GRIN3A: variants seen among roughly 807,000 people sequenced by gnomAD.
The protein encoded by GRIN3A is glutamate receptor ionotropic, NMDA 3A.
A neutral mutation model predicts 92.4 loss-of-function variants in GRIN3A; 47 were observed. The ratio of observed to expected loss-of-function variants is 0.51; its 90% CI spans 0.40 to 0.65. GRIN3A has a LOEUF of 0.65. Ranked by LOEUF, GRIN3A falls within the 30% of genes least tolerant of loss-of-function variation. GRIN3A has a pLI of 0.00. For synonymous variants in GRIN3A, 527 were observed against 540.6 expected (o/e 0.97, Z 0.35); for missense variants, 1,324 against 1,393.1 (o/e 0.95, Z 0.79).
At position 101,572,930 on chromosome 9, in the gene GRIN3A, T is replaced by A; in HGVS notation, c.*244A>T. ...GGTTATCTGGTTATTCACAGATCTCTCGCACAGAGCTTACTCCTGACTAAG... is the reference window on the plus strand; with the variant it reads ...GGTTATCTGGTTATTCACAGATCTCACGCACAGAGCTTACTCCTGACTAAG... On this transcript the variant is annotated 3_prime_UTR_variant, in exon 9 of 9. Coordinates refer to ENST00000361820, the MANE Select transcript of GRIN3A (RefSeq NM_133445.3). 1.9e-6 allele frequency: 1 copy of A among 527,690 alleles called. No individual in the cohort carries two copies. The highest frequency in any genetic ancestry group is 2.1e-5 in the South Asian group (1 of 46,980). The allele number at this position is 527,690 out of a possible 1,614,324, so 32.7% of individuals were successfully genotyped here. A position where few individuals can be genotyped will look rare whatever the true frequency, so the allele number is the denominator to read the frequency against.
intron 3 of GRIN3A, among the ~76,000 whole-genome samples, chr9:101,648,198 C>T (rs1828964649): frequency 6.6e-6 from 1 of 151,836 alleles, no homozygotes; most frequent in African/African-American, 2.4e-5. Flanking sequence ...TTTTAAATTT[C>T]CTTTTTAATT....
intron 6 of GRIN3A, among the ~76,000 whole-genome samples, chr9:101,589,004 T>C (rs953768825): frequency 1.3e-5 from 2 of 152,138 alleles, no homozygotes; most frequent in African/African-American, 2.4e-5. Context: ...GGCGTTTCAC[T>C]GTGACTCCCA....
chr9:101,668,359 A>G lies in GRIN3A; in HGVS notation c.2352+1701T>C, dbSNP rs73658579. Among the ~76,000 whole-genome samples, 480 of 150,696 alleles carry G rather than the reference A, an allele frequency of 3.2e-3. 2 individuals carry two copies. Among genetic ancestry groups the G allele is most frequent in the African/African-American group, 0.011 (444 of 40,794 alleles). On this transcript the variant is annotated intron_variant, in intron 3 of 8. Coordinates refer to ENST00000361820, the MANE Select transcript of GRIN3A (RefSeq NM_133445.3). ...GGCCTGAAATCTCCACAACAGGCAT[A>G]TATTAGATTTTTTTTTTTACTAGAT...
intron 1 of GRIN3A, among the ~76,000 whole-genome samples, chr9:101,707,522 T>C (rs2045359818): frequency 6.6e-6 from 1 of 152,206 alleles, no homozygotes; most frequent in African/African-American, 2.4e-5. Flanking sequence ...GATTGGCAGC[T>C]TCTGAGAAGT....
At chr9:101,671,688 A>AT (rs762452492) in intron 2 of GRIN3A, among the ~76,000 whole-genome samples, 3 of 152,182 alleles carry the variant, frequency 2.0e-5, no homozygotes, top group Non-Finnish European at 4.4e-5. Flanking sequence ...ATCAGTTAAC[A>AT]TAACTGTCCC....
intron 4 of GRIN3A, among the ~76,000 whole-genome samples, chr9:101,624,204 T>C (rs1013910886): frequency 6.6e-6 from 1 of 152,074 alleles, no homozygotes; most frequent in African/African-American, 2.4e-5. Flanking sequence ...ATTCCTTTTT[T>C]AAAAATTTTT....
chr9:101,623,465 A>G (rs747442394), intron 4 of GRIN3A, 32 bp from the exon 5 acceptor site: 5 of 1,403,338 alleles, frequency 3.6e-6, no homozygotes, highest in East Asian at 4.6e-5. Context: ...AAAAGTGAAA[A>G]TGATTCATTA....
intron 3 of GRIN3A, among the ~76,000 whole-genome samples, chr9:101,648,083 T>C (rs74707057): frequency 0.019 from 2,883 of 152,026 alleles, 118 homozygotes; most frequent in East Asian, 0.097. Flanking sequence ...GAAATCTTGC[T>C]TTTTTGGTGT....
At chr9:101,668,235 A>AGCT (rs36108878) in intron 3 of GRIN3A, among the ~76,000 whole-genome samples, 50,454 of 151,512 alleles carry the variant, frequency 0.33, 9,233 homozygotes, top group Non-Finnish European at 0.41. Flanking sequence ...ACTCTTACAG[A>AGCT]TTTTCATGCA....
intron 7 of GRIN3A, among the ~76,000 whole-genome samples, chr9:101,578,147 T>C (rs1179896553): frequency 1.3e-5 from 2 of 152,196 alleles, no homozygotes; most frequent in African/African-American, 4.8e-5. Context: ...GCAAAAGGCC[T>C]TCCATAATTG....
chr9:101,594,243 G>T, intron 6 of GRIN3A: 1 of 848,874 alleles, frequency 1.2e-6, no homozygotes, highest in Non-Finnish European at 1.8e-6. Flanking sequence ...CAGAGAAGGA[G>T]AATTAATAGC....
intron 6 of GRIN3A, among the ~76,000 whole-genome samples, chr9:101,609,037 G>C (rs1367702003): frequency 6.6e-6 from 1 of 152,136 alleles, no homozygotes; most frequent in Admixed American, 6.5e-5. Flanking sequence ...GTATTCTTCT[G>C]TCTCCCCCTT....
Position 101,737,975 on chromosome 9 carries a change from C to G in GRIN3A, c.5G>C (p.Arg2Thr), listed in dbSNP as rs1830240465. ...CAGCAGCCACCACAAACTCAGTCTC[C>G]TCATTACTGAGACCCGCAGGGAGAA... M[R>T]RLSLWWLLSR... Residue 2 changes from arginine (R) to threonine (T), a missense_variant, in exon 1 of 9, where the codon AGG becomes ACG. Arg to Thr is a moderately conservative substitution (Grantham distance 71). Transcript: ENST00000361820. The G allele has an allele frequency of 6.5e-7, 1 of 1,534,832 alleles. No individual in the cohort carries two copies. The highest frequency in any genetic ancestry group is 1.4e-5 in the African/African-American group (1 of 73,068).
At chr9:101,574,681 A>G (rs1827805990) in intron 8 of GRIN3A, among the ~76,000 whole-genome samples, 2 of 152,200 alleles carry the variant, frequency 1.3e-5, no homozygotes, top group African/African-American at 4.8e-5. Flanking sequence ...CCTATGCTGA[A>G]TCTGCTTTCC....
At chr9:101,689,393 T>G (rs772323738) in intron 1 of GRIN3A, among the ~76,000 whole-genome samples, 12 of 152,148 alleles carry the variant, frequency 7.9e-5, no homozygotes, top group Non-Finnish European at 1.6e-4. Context: ...AATAGGAAGT[T>G]GAATTAGCTA....
intron 3 of GRIN3A, among the ~76,000 whole-genome samples, chr9:101,652,285 T>C (rs1489184205): frequency 6.6e-6 from 1 of 151,930 alleles, no homozygotes; most frequent in Admixed American, 6.6e-5. Flanking sequence ...CTTTGATTCT[T>C]TTTTTCCAGC....
intron 3 of GRIN3A, among the ~76,000 whole-genome samples, chr9:101,660,681 C>T (rs951119513): frequency 6.6e-6 from 1 of 151,742 alleles, no homozygotes; most frequent in African/African-American, 2.4e-5. Context: ...CAGAGCTTCA[C>T]AAAACTAATA....
chr9:101,670,111 G>C lies in GRIN3A; in HGVS notation c.2301C>G (p.Val767=). The part of the protein sequence containing the change: ...LSTYTANLAA[V]MVGEKIYEEL... ...CTTCATAGATCTTCTCACCTACCAT[G>C]ACAGCAGCCAAGTTTGCCGTGTATG... The change falls in exon 3 of 9, where the codon GTC becomes GTG. Residue 767 remains valine, a synonymous_variant. Coordinates refer to ENST00000361820, the MANE Select transcript of GRIN3A (RefSeq NM_133445.3). The C allele has an allele frequency of 6.2e-7, 1 of 1,613,836 alleles. No individual in the cohort carries two copies.
intron 3 of GRIN3A, among the ~76,000 whole-genome samples, chr9:101,631,892 T>G (rs557470606): frequency 6.6e-6 from 1 of 152,208 alleles, no homozygotes; most frequent in South Asian, 2.1e-4. Context: ...CCTTTCTTCC[T>G]TTCTGATCCA....
Sources: gnomAD v4.1 joint callset for allele counts (sites outside exome capture counted in the v4.1 genomes callset) on GRCh38, gnomAD v4.1.1 for gene constraint, MANE v1.5 for transcripts, NCBI Gene and HGNC (gene_info 2026-07-23, HGNC 2026-07-21) for gene names.